PPP1R1C: variants seen among roughly 807,000 people sequenced by gnomAD.
PPP1R1C encodes protein phosphatase 1 regulatory inhibitor subunit 1C, also known as protein phosphatase 1 regulatory subunit 1C.
In PPP1R1C, 15 loss-of-function variants were observed where a neutral mutation model predicts 17.4. The observed-to-expected ratio is 0.86, with a 90% CI of 0.58 to 1.33. PPP1R1C has a LOEUF of 1.33. Ranked by LOEUF, PPP1R1C falls within the 40% of genes most tolerant of loss-of-function variation. The probability of loss-of-function intolerance (pLI) is 0.00; values close to 1 mark genes in which losing one functional copy is unlikely to be tolerated. For synonymous variants in PPP1R1C, 35 were observed against 43.1 expected (o/e 0.81, Z 0.73); for missense variants, 143 against 130.0 (o/e 1.10, Z -0.48).
intron 2 of PPP1R1C, among the ~76,000 whole-genome samples, chr2:181,979,199 G>T (rs1182873527): frequency 6.6e-6 from 1 of 152,030 alleles, no homozygotes; most frequent in Non-Finnish European, 1.5e-5. Context: ...TTTTATTGTT[G>T]TTCTACATCT....
downstream of PPP1R1C, among the ~76,000 whole-genome samples, chr2:182,118,475 A>G (rs17457004): frequency 6.6e-6 from 1 of 151,908 alleles, no homozygotes; most frequent in African/African-American, 2.4e-5. Flanking sequence ...CAAATGTATC[A>G]TGGATAAAAA....
At position 182,078,166 on chromosome 2, in the gene PPP1R1C, A is replaced by G. The variant is rs1276776392; in HGVS notation, c.241+14375A>G. ...CTGCACTCCAGCCTGGGTGAAAAGAACCTGAGCCCCTTAGGAGAAAAATAT... is the reference window on the plus strand; with the variant it reads ...CTGCACTCCAGCCTGGGTGAAAAGAGCCTGAGCCCCTTAGGAGAAAAATAT... On this transcript the variant is annotated intron_variant, in intron 4 of 4. Coordinates refer to ENST00000682840, the MANE Select transcript of PPP1R1C (RefSeq NM_001080545.3). Among the ~76,000 whole-genome samples, 3 of 152,186 alleles carry G rather than the reference A, an allele frequency of 2.0e-5. No homozygotes were observed. The East Asian group carries it at 5.8e-4, about 29-fold the overall frequency.
At chr2:182,051,515 A>G (rs1225223471) in intron 2 of PPP1R1C, among the ~76,000 whole-genome samples, 1 of 152,200 alleles carries the variant, frequency 6.6e-6, no homozygotes, top group Non-Finnish European at 1.5e-5. Context: ...ATTGATAGAC[A>G]TTTAAAAAAA....
At chr2:182,018,310 G>T (rs965524848) in intron 2 of PPP1R1C, among the ~76,000 whole-genome samples, 1 of 152,138 alleles carries the variant, frequency 6.6e-6, no homozygotes, top group African/African-American at 2.4e-5. Context: ...AATTAGAACA[G>T]CTAACAGAAA....
intron 2 of PPP1R1C, among the ~76,000 whole-genome samples, chr2:182,038,102 A>G (rs144056244): frequency 1.0e-3 from 155 of 152,176 alleles, no homozygotes; most frequent in African/African-American, 3.5e-3. Context: ...CAGTGGCCTG[A>G]TCATGGCTCA....
At chr2:181,973,889 T>A (rs1685053315) in intron 1 of PPP1R1C, among the ~76,000 whole-genome samples, 1 of 152,150 alleles carries the variant, frequency 6.6e-6, no homozygotes, top group Admixed American at 6.5e-5. Context: ...TTTTAAAAAA[T>A]ATTTTGAAAA....
At chr2:182,016,165 T>C (rs1012042888) in intron 2 of PPP1R1C, among the ~76,000 whole-genome samples, 4 of 152,134 alleles carry the variant, frequency 2.6e-5, no homozygotes, top group African/African-American at 9.7e-5. Context: ...GGGCATCCAA[T>C]GCGAAGACTC....
rs1684815729 is a variant in PPP1R1C at position 181,962,371 on chromosome 2, A to G, written n.111+7737A>G. On this transcript the variant is annotated intron_variant and non_coding_transcript_variant, in intron 1 of 5. Coordinates refer to the PPP1R1C transcript ENST00000464264. This position sits in a 1 kb window ranked among gnomAD's most constrained non-coding sequence, Gnocchi z 6.0. ...GGGAACCAGAGCCCCCGGCGCCTGCATAGACGCTGGCCATGCAGCTGGCCG... is the reference window on the plus strand; with the variant it reads ...GGGAACCAGAGCCCCCGGCGCCTGCGTAGACGCTGGCCATGCAGCTGGCCG... 5.5e-6 allele frequency: 5 copies of G among 903,286 alleles called. No homozygotes were observed. Among genetic ancestry groups the G allele is most frequent in the Non-Finnish European group, 8.9e-6 (5 of 564,512 alleles). The allele number at this position is 903,286 out of a possible 1,614,324, so 56.0% of individuals were successfully genotyped here. A position where few individuals can be genotyped will look rare whatever the true frequency, so the allele number is the denominator to read the frequency against.
chr2:182,124,896 G>T (rs1295031614), intron 5 of PPP1R1C, among the ~76,000 whole-genome samples: 1 of 152,014 alleles, frequency 6.6e-6, no homozygotes, highest in Non-Finnish European at 1.5e-5. Flanking sequence ...TCTTTCTCTT[G>T]CCTGATTGCC....
intron 4 of PPP1R1C, among the ~76,000 whole-genome samples, chr2:182,107,842 G>T (rs1689298005): frequency 1.3e-5 from 2 of 151,926 alleles, no homozygotes; most frequent in African/African-American, 4.8e-5. Context: ...CCACCATGAG[G>T]TCTTCTCGCC....
intron 2 of PPP1R1C, among the ~76,000 whole-genome samples, chr2:182,006,612 G>A (rs907248807): frequency 4.4e-4 from 67 of 152,280 alleles, no homozygotes; most frequent in African/African-American, 1.5e-3. Flanking sequence ...TTTCTGGCTG[G>A]TCTGTTCCTT....
intron 1 of PPP1R1C, among the ~76,000 whole-genome samples, chr2:181,959,520 G>T (rs1203091347): frequency 6.6e-6 from 1 of 152,018 alleles, no homozygotes; most frequent in Non-Finnish European, 1.5e-5. Flanking sequence ...AACATTTTAG[G>T]TTGGCTAGTC....
chr2:182,113,088 T>G (rs1689487774), intron 4 of PPP1R1C, among the ~76,000 whole-genome samples: 1 of 152,220 alleles, frequency 6.6e-6, no homozygotes, highest in Non-Finnish European at 1.5e-5. Flanking sequence ...TGCTACTTAA[T>G]GCAGGAATTA....
At chr2:182,024,353 C>T (rs943920530) in intron 2 of PPP1R1C, among the ~76,000 whole-genome samples, 1 of 152,048 alleles carries the variant, frequency 6.6e-6, no homozygotes, top group Non-Finnish European at 1.5e-5. Flanking sequence ...TTAAGGGTTA[C>T]AAAAACAGTT....
At chr2:182,013,855 T>C (rs1394734246) in intron 2 of PPP1R1C, among the ~76,000 whole-genome samples, 2 of 152,230 alleles carry the variant, frequency 1.3e-5, no homozygotes, top group Non-Finnish European at 2.9e-5. Flanking sequence ...AATAGAATTT[T>C]TCAGCTCTAG....
chr2:181,970,390 C>T (rs1423116231), intron 1 of PPP1R1C, among the ~76,000 whole-genome samples: 1 of 152,194 alleles, frequency 6.6e-6, no homozygotes, highest in African/African-American at 2.4e-5. Flanking sequence ...GAATCTTCCA[C>T]CCTCATAGAG....
At chr2:182,125,817 A>G (rs1005750446) in intron 5 of PPP1R1C, among the ~76,000 whole-genome samples, 1 of 152,036 alleles carries the variant, frequency 6.6e-6, no homozygotes, top group Non-Finnish European at 1.5e-5. Flanking sequence ...CTAGCAGTCT[A>G]TCTATTTTGT....
chr2:182,100,371 A>G (rs1689061935), intron 4 of PPP1R1C, among the ~76,000 whole-genome samples: 1 of 151,780 alleles, frequency 6.6e-6, no homozygotes, highest in Non-Finnish European at 1.5e-5. Flanking sequence ...TTAGCTGGGC[A>G]TGGTGGTGCG....
chr2:182,007,481 T>C (rs1685955913), intron 2 of PPP1R1C, among the ~76,000 whole-genome samples: 1 of 152,222 alleles, frequency 6.6e-6, no homozygotes, highest in Non-Finnish European at 1.5e-5. Flanking sequence ...TCCCCAAATC[T>C]GTGTTGTACA....
Sources: allele counts gnomAD v4.1 joint callset (sites outside exome capture counted in the v4.1 genomes callset), GRCh38; gene constraint gnomAD v4.1.1; non-coding constraint Gnocchi (gnomAD v3.1); transcripts MANE v1.5; gene names NCBI Gene and HGNC (gene_info 2026-07-23, HGNC 2026-07-21).